The following NBAS variants were observed in gnomAD, a reference collection of about 807,000 sequenced individuals.
The protein encoded by NBAS is NAG/BC035112 fusion.
In NBAS, 219 loss-of-function variants were observed where a neutral mutation model predicts 302.5. The observed-to-expected ratio is 0.72, with a 90% CI of 0.65 to 0.81. NBAS has a LOEUF of 0.81. Among genes scored for constraint, NBAS ranks in the 30% least tolerant of loss-of-function variants. The pLI, the probability that NBAS is intolerant of heterozygous loss-of-function variation, is 0.00. For missense variants in NBAS, 2,932 were observed against 2,841.6 expected (o/e 1.03, Z -0.72); for synonymous variants, 1,118 against 1,021.6 (o/e 1.09, Z -1.80).
the NBAS span, among the ~76,000 whole-genome samples, chr2:14,905,591 C>G: frequency 6.6e-6 from 1 of 152,194 alleles, no homozygotes. Context: ...CAAGATCTGT[C>G]AAATGCCGAT....
intron 47 of NBAS, among the ~76,000 whole-genome samples, chr2:15,228,731 A>C (rs1008027670): frequency 4.6e-5 from 7 of 152,320 alleles, no homozygotes; most frequent in African/African-American, 1.4e-4. Context: ...CCAGGCACAG[A>C]GACAAATACC....
At chr2:15,286,520 C>G (rs963642425) in intron 42 of NBAS, among the ~76,000 whole-genome samples, 1 of 152,222 alleles carries the variant, frequency 6.6e-6, no homozygotes, top group Admixed American at 6.5e-5. Flanking sequence ...ACCCAAATCC[C>G]TGGAACTCAC....
chr2:15,336,931 C>A (rs16862509), intron 35 of NBAS, among the ~76,000 whole-genome samples: 12,033 of 152,044 alleles, frequency 0.079, 1,443 homozygotes, highest in African/African-American at 0.26. Flanking sequence ...CTTAAGCAGA[C>A]TACAACTACA....
At chr2:14,821,712 G>T in the NBAS span, among the ~76,000 whole-genome samples, 4 of 152,046 alleles carry the variant, frequency 2.6e-5, no homozygotes, top group South Asian at 8.3e-4. Flanking sequence ...CTCCTGTCTG[G>T]TTAGATACAT....
intron 43 of NBAS, 102 bp downstream of exon 43, chr2:15,276,749 A>G (rs1669599217): frequency 6.4e-7 from 1 of 1,561,238 alleles, no homozygotes; most frequent in African/African-American, 1.4e-5. Flanking sequence ...CTGTGGTTTC[A>G]GAGCTCTGCA....
At chr2:15,188,131 A>G (rs771005203) in intron 49 of NBAS, among the ~76,000 whole-genome samples, 1 of 152,238 alleles carries the variant, frequency 6.6e-6, no homozygotes, top group Non-Finnish European at 1.5e-5. Flanking sequence ...CAAATTATCA[A>G]GATATGTTTT....
chr2:14,795,474 C>CATATATATATATATATAT, the NBAS span, among the ~76,000 whole-genome samples: 34 of 147,838 alleles, frequency 2.3e-4, 1 homozygote, highest in African/African-American at 8.1e-4. Flanking sequence ...CAAGATTTTA[C>CATATATATATATATATAT]ATATATATAT....
At chr2:15,451,220 A>AT (rs1046955138) in intron 21 of NBAS, among the ~76,000 whole-genome samples, 15 of 151,920 alleles carry the variant, frequency 9.9e-5, no homozygotes, top group Admixed American at 2.6e-4. Flanking sequence ...CCAGCTAATT[A>AT]TTTTTATTTT....
chr2:14,780,055 C>T, the NBAS span, among the ~76,000 whole-genome samples: 8 of 152,262 alleles, frequency 5.3e-5, no homozygotes, highest in South Asian at 1.7e-3. Context: ...TTCTGCTCCA[C>T]ATGTGGAGAG....
At chr2:15,365,677 C>T (rs912955287) in intron 32 of NBAS, among the ~76,000 whole-genome samples, 1 of 152,162 alleles carries the variant, frequency 6.6e-6, no homozygotes, top group African/African-American at 2.4e-5. Flanking sequence ...TACCTTCACA[C>T]AGACTAGAAA....
chr2:15,515,712 C>T (rs754399825), intron 9 of NBAS, among the ~76,000 whole-genome samples: 50 of 152,142 alleles, frequency 3.3e-4, no homozygotes, highest in Non-Finnish European at 6.2e-4. Context: ...GTGTTCAGAA[C>T]AGGCTTCCAG....
chr2:14,817,721 T>C, the NBAS span, among the ~76,000 whole-genome samples: 3 of 152,210 alleles, frequency 2.0e-5, no homozygotes, highest in African/African-American at 4.8e-5. Flanking sequence ...TACAGAGAAC[T>C]ATTATTCTCT....
chr2:14,864,924 T>A, the NBAS span, among the ~76,000 whole-genome samples: 11 of 152,328 alleles, frequency 7.2e-5, no homozygotes, highest in African/African-American at 2.4e-4. Flanking sequence ...ACAATTGTTG[T>A]CATGCCATCA....
At chr2:15,079,179 GCTTTAACTCTGA>G in the NBAS span, among the ~76,000 whole-genome samples, 1 of 151,876 alleles carries the variant, frequency 6.6e-6, no homozygotes, top group Admixed American at 6.6e-5. Flanking sequence ...AATCTCAAAG[GCTTTAACTCTGA>G]CCAAGCTTGG....
chr2:15,556,927 TAA>T, intron 2 of NBAS, 108 bp from the exon 3 acceptor site: 3 of 838,964 alleles, frequency 3.6e-6, no homozygotes, highest in Non-Finnish European at 5.9e-6. Context: ...AGCGAGTCAT[TAA>T]AAAAAATAAA....
the NBAS span, among the ~76,000 whole-genome samples, chr2:14,847,509 CA>C: frequency 0.084 from 9,959 of 118,552 alleles, 1,040 homozygotes; most frequent in African/African-American, 0.26. Flanking sequence ...ACATAGATTT[CA>C]AAAAAAAAAA....
chr2:14,856,340 C>T, the NBAS span, among the ~76,000 whole-genome samples: 1 of 152,070 alleles, frequency 6.6e-6, no homozygotes, highest in African/African-American at 2.4e-5. Context: ...ACAAATAAGT[C>T]CAGACAGTGA....
At chr2:15,456,143 C>G (rs1679239543) in intron 21 of NBAS, among the ~76,000 whole-genome samples, 1 of 152,158 alleles carries the variant, frequency 6.6e-6, no homozygotes, top group Non-Finnish European at 1.5e-5. Flanking sequence ...CAAAGCTTTA[C>G]AAAACTTGGT....
the NBAS span, among the ~76,000 whole-genome samples, chr2:14,779,049 G>A: frequency 0.017 from 2,515 of 152,260 alleles, 94 homozygotes; most frequent in African/African-American, 0.058. Context: ...AATCCAAGAC[G>A]CTTTGATCTT....
Sources: allele counts gnomAD v4.1 joint callset (sites outside exome capture counted in the v4.1 genomes callset), GRCh38; gene constraint gnomAD v4.1.1; transcripts MANE v1.5; gene names NCBI Gene and HGNC (gene_info 2026-07-23, HGNC 2026-07-21).